The following TOX variants were observed in gnomAD, a reference collection of about 807,000 sequenced individuals.
TOX encodes thymocyte selection-associated high mobility group box protein TOX.
Under a neutral mutation model 53.7 loss-of-function variants are expected in TOX, and 11 were observed. That is an observed-to-expected ratio of 0.20 (90% confidence interval 0.13 to 0.34). The LOEUF is 0.34. Among genes scored for constraint, TOX ranks in the 10% least tolerant of loss-of-function variants. The probability of loss-of-function intolerance (pLI) is 1.00; values close to 1 mark genes in which losing one functional copy is unlikely to be tolerated. For synonymous variants in TOX, 225 were observed against 245.3 expected (o/e 0.92, Z 0.77); for missense variants, 570 against 664.6 (o/e 0.86, Z 1.56).
At chr8:59,017,389 A>C (rs1229144629) in intron 1 of TOX, among the ~76,000 whole-genome samples, 1 of 152,270 alleles carries the variant, frequency 6.6e-6, no homozygotes, top group South Asian at 2.1e-4. Flanking sequence ...GCTCTCTACA[A>C]TATCCTTCAA....
At chr8:58,831,896 C>T (rs1476445858) in intron 5 of TOX, among the ~76,000 whole-genome samples, 1 of 151,956 alleles carries the variant, frequency 6.6e-6, no homozygotes, top group African/African-American at 2.4e-5. Flanking sequence ...GTATACAATC[C>T]ACCCAAACAT....
rs143823113 is a variant in TOX at position 59,023,806 on chromosome 8, T to C, written c.103-63798A>G. Reference sequence around the variant, plus strand: ...GGGTTCCTGTCCTTCTAAAAAAATGTCATACCCTAAAATGATTATAGTCAT... The same window carrying C: ...GGGTTCCTGTCCTTCTAAAAAAATGCCATACCCTAAAATGATTATAGTCAT... On this transcript the variant is annotated intron_variant, in intron 1 of 8. Transcript: ENST00000361421. Among the ~76,000 whole-genome samples, 11 of 152,286 alleles carry C rather than the reference T, an allele frequency of 7.2e-5. 1 individual carries two copies. The East Asian group carries it at 2.1e-3, about 29-fold the overall frequency.
chr8:58,898,788 AC>A (rs1266490171), intron 3 of TOX, among the ~76,000 whole-genome samples: 1 of 152,048 alleles, frequency 6.6e-6, no homozygotes, highest in African/African-American at 2.4e-5. Context: ...GAGGAGGTCA[AC>A]CCCTTCTGTG....
chr8:58,846,616 T>C (rs1810723567), intron 4 of TOX, among the ~76,000 whole-genome samples: 1 of 152,154 alleles, frequency 6.6e-6, no homozygotes, highest in Non-Finnish European at 1.5e-5. Flanking sequence ...TGCTTCTGTC[T>C]AGTGTGGCAG....
chr8:58,858,930 TA>T (rs1310646330), intron 3 of TOX, among the ~76,000 whole-genome samples: 1 of 152,220 alleles, frequency 6.6e-6, no homozygotes, highest in Non-Finnish European at 1.5e-5. Flanking sequence ...ATGTTGATAT[TA>T]TTTAAGTCCC....
At chr8:58,853,197 G>A (rs1471413523) in intron 3 of TOX, among the ~76,000 whole-genome samples, 1 of 152,086 alleles carries the variant, frequency 6.6e-6, no homozygotes, top group Non-Finnish European at 1.5e-5. Flanking sequence ...TTACTTCTCA[G>A]TCTTCACGCA....
intron 2 of TOX, among the ~76,000 whole-genome samples, chr8:58,940,797 T>C (rs528707925): frequency 1.3e-5 from 2 of 152,310 alleles, no homozygotes; most frequent in African/African-American, 2.4e-5. Context: ...CCTGGGGTTA[T>C]TTTTTCCAGA....
intron 1 of TOX, among the ~76,000 whole-genome samples, chr8:59,052,758 C>T (rs894892674): frequency 1.3e-5 from 2 of 152,084 alleles, no homozygotes; most frequent in Non-Finnish European, 2.9e-5. Flanking sequence ...GTAGGATTGG[C>T]AAGACATTCC....
chr8:58,878,858 C>T (rs570027602), intron 3 of TOX, among the ~76,000 whole-genome samples: 2 of 151,816 alleles, frequency 1.3e-5, no homozygotes, highest in Admixed American at 6.6e-5. Flanking sequence ...GTCAGGAGTT[C>T]GAGACCAGCC....
At chr8:59,058,569 C>T (rs187428844) in intron 1 of TOX, among the ~76,000 whole-genome samples, 23 of 152,286 alleles carry the variant, frequency 1.5e-4, no homozygotes, top group African/African-American at 5.5e-4. Flanking sequence ...TTCTCAGGAT[C>T]ATGTGGGTCT....
chr8:59,068,930 C>A (rs1314848168), intron 1 of TOX, among the ~76,000 whole-genome samples: 5 of 152,110 alleles, frequency 3.3e-5, no homozygotes, highest in Non-Finnish European at 7.4e-5. Flanking sequence ...GAAGAGTTTG[C>A]AAGAGTCAGT....
intron 3 of TOX, among the ~76,000 whole-genome samples, chr8:58,895,631 C>A (rs1418875604): frequency 6.6e-6 from 1 of 152,126 alleles, no homozygotes; most frequent in East Asian, 1.9e-4. Flanking sequence ...TTTTGTCTGA[C>A]CTTCAGAATT....
chr8:58,843,209 T>C (rs1258257106), intron 4 of TOX, among the ~76,000 whole-genome samples: 1 of 152,218 alleles, frequency 6.6e-6, no homozygotes, highest in African/African-American at 2.4e-5. Flanking sequence ...TAAATACTCA[T>C]GTTAACTTTG....
intron 1 of TOX, among the ~76,000 whole-genome samples, chr8:58,997,384 T>G (rs1323109102): frequency 2.6e-5 from 4 of 152,254 alleles, no homozygotes; most frequent in African/African-American, 9.6e-5. Context: ...ACTATTTACG[T>G]GCACTTGCGT....
chr8:58,961,125 T>C (rs1431517206), intron 1 of TOX, among the ~76,000 whole-genome samples: 2 of 152,216 alleles, frequency 1.3e-5, no homozygotes, highest in East Asian at 1.9e-4. Context: ...TATTGTACTA[T>C]AGACATCTCA....
At chr8:59,068,887 T>C (rs966060551) in intron 1 of TOX, among the ~76,000 whole-genome samples, 1 of 152,108 alleles carries the variant, frequency 6.6e-6, no homozygotes, top group Admixed American at 6.5e-5. Flanking sequence ...GGTCTAGCAA[T>C]GCAGGAAGGG....
chr8:58,816,907 C>G (rs1156749968), intron 6 of TOX, among the ~76,000 whole-genome samples: 2 of 152,150 alleles, frequency 1.3e-5, no homozygotes, highest in African/African-American at 2.4e-5. Context: ...TATCACCAGG[C>G]AGCTTACATT....
At chr8:59,062,176 C>T (rs1254736601) in intron 1 of TOX, among the ~76,000 whole-genome samples, 2 of 152,058 alleles carry the variant, frequency 1.3e-5, no homozygotes, top group Non-Finnish European at 1.5e-5. Context: ...CAGTGTGAGA[C>T]GTCCTCTAAG....
intron 3 of TOX, among the ~76,000 whole-genome samples, chr8:58,860,549 T>G (rs1458383250): frequency 6.6e-6 from 1 of 152,246 alleles, no homozygotes; most frequent in Non-Finnish European, 1.5e-5. Context: ...TTGTGGTTGC[T>G]GCTCACGCTG....
Sources: gnomAD v4.1 joint callset for allele counts (sites outside exome capture counted in the v4.1 genomes callset) on GRCh38, gnomAD v4.1.1 for gene constraint, MANE v1.5 for transcripts, NCBI Gene and HGNC (gene_info 2026-07-23, HGNC 2026-07-21) for gene names.